The following SETD9 variants were observed in gnomAD, a reference collection of about 807,000 sequenced individuals.
The protein encoded by SETD9 is SET domain-containing protein 9.
In SETD9, 37 loss-of-function variants were observed where a neutral mutation model predicts 36.4. The observed-to-expected ratio is 1.02, with a 90% CI of 0.78 to 1.34. The LOEUF is 1.34. Ranked by LOEUF, SETD9 falls within the 40% of genes most tolerant of loss-of-function variation. SETD9 has a pLI of 0.00. For missense variants in SETD9, 323 were observed against 353.2 expected, an observed-to-expected ratio of 0.91 and a Z score of 0.69; for synonymous variants, 128 against 132.9, an observed-to-expected ratio of 0.96 and a Z score of 0.26.
intron 5 of SETD9, among the ~76,000 whole-genome samples, chr5:56,916,489 T>C (rs1177253211): frequency 6.6e-6 from 1 of 152,240 alleles, no homozygotes; most frequent in Non-Finnish European, 1.5e-5. Context: ...GGATATAAGA[T>C]ACAAATGAAT....
At chr5:56,926,937 A>AC (rs1750015312), downstream of SETD9, among the ~76,000 whole-genome samples, 1 of 151,844 alleles carries the variant, frequency 6.6e-6, no homozygotes, top group Non-Finnish European at 1.5e-5. Context: ...CAAACAAAAA[A>AC]CCCCATGGTG....
chr5:56,913,804 C>A, intron 3 of SETD9, 70 bp from the exon 4 acceptor site: 43 of 721,382 alleles, frequency 6.0e-5, no homozygotes, highest in Admixed American at 8.4e-5. Context: ...TGGTGTAATT[C>A]TAGGGTTTTG....
chr5:56,927,415 C>T (rs1437901960), downstream of SETD9, among the ~76,000 whole-genome samples: 1 of 152,086 alleles, frequency 6.6e-6, no homozygotes, highest in African/African-American at 2.4e-5. Context: ...AACTAAAGTC[C>T]ATTAGCTTTT....
At chr5:56,924,578 C>G (rs914594514) in intron 5 of SETD9, among the ~76,000 whole-genome samples, 5 of 152,318 alleles carry the variant, frequency 3.3e-5, no homozygotes, top group Admixed American at 3.3e-4. Flanking sequence ...CAACGGTCTA[C>G]AGCATCTGGA....
chr5:56,914,883 T>C lies in SETD9; in HGVS notation c.729T>C (p.Tyr243=), dbSNP rs1323797844. Residue 243 remains tyrosine, a synonymous_variant, in exon 5 of 6, where the codon TAT becomes TAC. Coordinates refer to ENST00000285947, the MANE Select transcript of SETD9 (RefSeq NM_153706.4). ...CSNDRAANVC[Y]QEFDVPAVFP... is the part of the protein sequence containing the mutation. ...TAGACAGAGCAGCTAATGTCTGTTA[T>C]CAGGAATTTGATGTGCCTGCAGTTT... 3 of 1,600,678 alleles carry C rather than the reference T, an allele frequency of 1.9e-6. No individual in the cohort carries two copies. The highest frequency in any genetic ancestry group is 2.7e-5 in the African/African-American group (2 of 74,810).
chr5:56,914,848 T>G lies in SETD9; in HGVS notation c.707-13T>G, dbSNP rs759923342. 6.5e-7 allele frequency: 1 copy of G among 1,539,764 alleles called. No individual in the cohort carries two copies. The highest frequency in any genetic ancestry group is 1.3e-5 in the South Asian group (1 of 78,782). On this transcript the variant is annotated splice_polypyrimidine_tract_variant and intron_variant, in intron 4 of 5. Coordinates refer to ENST00000285947, the MANE Select transcript of SETD9 (RefSeq NM_153706.4). ...AATGGCTCTTTTTCTAAAAATGATGTGCTTGTTCCTAGACAGAGCAGCTAA... is the reference window on the plus strand; with the variant it reads ...AATGGCTCTTTTTCTAAAAATGATGGGCTTGTTCCTAGACAGAGCAGCTAA...
At chr5:56,916,124 T>C (rs1448763354) in intron 5 of SETD9, among the ~76,000 whole-genome samples, 1 of 152,206 alleles carries the variant, frequency 6.6e-6, no homozygotes, top group Non-Finnish European at 1.5e-5. Context: ...CTGGGTGCGG[T>C]GGCTCATGCC....
At chr5:56,925,143 G>C (rs1749900292) in intron 5 of SETD9, among the ~76,000 whole-genome samples, 2 of 152,104 alleles carry the variant, frequency 1.3e-5, no homozygotes. Flanking sequence ...GGACAATCCA[G>C]ACTTCTTTAA....
chr5:56,923,273 A>G (rs780491845), intron 5 of SETD9: 1 of 1,614,152 alleles, frequency 6.2e-7, no homozygotes, highest in South Asian at 1.1e-5. Context: ...TTCAAAGTCC[A>G]CACCCAGGTT....
intron 3 of SETD9, among the ~76,000 whole-genome samples, chr5:56,913,663 C>T (rs988392158): frequency 2.6e-5 from 4 of 152,022 alleles, no homozygotes; most frequent in Non-Finnish European, 4.4e-5. Flanking sequence ...GGATTACAGG[C>T]GTGAGCCACT....
chr5:56,913,622 G>C (rs1013108748), intron 3 of SETD9, among the ~76,000 whole-genome samples: 2 of 152,086 alleles, frequency 1.3e-5, no homozygotes, highest in Admixed American at 1.3e-4. Context: ...GACCTCAAGT[G>C]ATCTGCCTGC....
intron 1 of SETD9, chr5:56,910,346 G>A (rs1364069291): frequency 7.7e-7 from 1 of 1,304,278 alleles, no homozygotes; most frequent in Non-Finnish European, 1.0e-6. Flanking sequence ...GTTAAGAACG[G>A]GCAGAACGCC....
chr5:56,928,509 A>C (rs1457674251), downstream of SETD9: 2 of 277,450 alleles, frequency 7.2e-6, no homozygotes, highest in Non-Finnish European at 1.3e-5. Flanking sequence ...GAGAAATGAG[A>C]GTGAGACTTC....
At chr5:56,910,100 C>G (rs1402470628) in intron 1 of SETD9, 13 of 1,254,886 alleles carry the variant, frequency 1.0e-5, no homozygotes, top group Non-Finnish European at 1.2e-5. Context: ...GCCTGTTCTT[C>G]CCTGTTGCGT....
downstream of SETD9, among the ~76,000 whole-genome samples, chr5:56,926,885 T>TA (rs1335032544): frequency 5.3e-5 from 5 of 93,968 alleles, no homozygotes; most frequent in South Asian, 2.8e-4. Context: ...TATTCAGTGA[T>TA]AAAAAAAAGA....
chr5:56,909,848 G>A (rs912771384), intron 1 of SETD9, 105 bp downstream of exon 1: 19 of 888,880 alleles, frequency 2.1e-5, no homozygotes, highest in African/African-American at 1.8e-4. Flanking sequence ...CTGCCGGCCT[G>A]AGATGGGCGG....
exon 6 of SETD9, chr5:56,925,360 C>T (rs1749913927): frequency 2.2e-6 from 1 of 453,360 alleles, no homozygotes; most frequent in African/African-American, 2.0e-5. Flanking sequence ...GTAGAAAACT[C>T]CAAAGAATCA....
At chr5:56,928,081 C>G (rs1369485352), downstream of SETD9, 1 of 152,112 alleles carries the variant, frequency 6.6e-6, no homozygotes, top group Non-Finnish European at 1.5e-5. Context: ...TAGTCCAGTT[C>G]TGGAGGTGCC....
chr5:56,916,419 T>A (rs1749430396), intron 5 of SETD9, among the ~76,000 whole-genome samples: 1 of 152,194 alleles, frequency 6.6e-6, no homozygotes, highest in East Asian at 1.9e-4. Context: ...TTTTATGATG[T>A]CCAGAAAAAA....
Sources: gnomAD v4.1 joint callset for allele counts (sites outside exome capture counted in the v4.1 genomes callset) on GRCh38, gnomAD v4.1.1 for gene constraint, MANE v1.5 for transcripts, NCBI Gene and HGNC (gene_info 2026-07-23, HGNC 2026-07-21) for gene names.